Variants in SOX6 observed in about 807,000 individuals in gnomAD.
SOX6 encodes the protein transcription factor SOX-6.
SOX6 carries 11 observed loss-of-function variants against 97.8 expected under a neutral mutation model. The observed-to-expected ratio is 0.11, with a 90% CI of 0.07 to 0.19. SOX6 has a LOEUF of 0.19. Ranked by LOEUF, SOX6 falls within the 10% of genes least tolerant of loss-of-function variation. SOX6 has a pLI of 1.00. For synonymous variants in SOX6, 360 were observed against 371.4 expected (o/e 0.97, Z 0.35); for missense variants, 810 against 1,039.5 (o/e 0.78, Z 3.04).
chr11:16,481,296 C>T (rs1223291764), upstream of SOX6, among the ~76,000 whole-genome samples: 1 of 152,098 alleles, frequency 6.6e-6, no homozygotes, highest in East Asian at 1.9e-4. Context: ...GTAGGACTGA[C>T]ATTAAGCTAA....
chr11:16,149,465 A>C (rs1279153624), intron 6 of SOX6, among the ~76,000 whole-genome samples: 3 of 151,470 alleles, frequency 2.0e-5, no homozygotes, highest in Admixed American at 6.6e-5. Context: ...TATGTGCTTC[A>C]TTATAAAGTA....
chr11:16,465,590 G>T (rs973163174), intron 1 of SOX6: 1 of 152,126 alleles, frequency 6.6e-6, no homozygotes, highest in Non-Finnish European at 1.5e-5. Context: ...TCTATATTCT[G>T]CCCAACACAG....
intron 4 of SOX6, among the ~76,000 whole-genome samples, chr11:16,515,284 T>C (rs1374305021): frequency 3.3e-5 from 5 of 152,144 alleles, no homozygotes; most frequent in African/African-American, 1.2e-4. Context: ...GATTTGCATT[T>C]CTCTGATGGC....
intron 15 of SOX6, among the ~76,000 whole-genome samples, chr11:15,982,553 G>T (rs1853691759): frequency 6.6e-6 from 1 of 151,900 alleles, no homozygotes; most frequent in Non-Finnish European, 1.5e-5. Context: ...TATAGTATTT[G>T]CATATAACCT....
chr11:15,983,573 T>C (rs1003114317), intron 15 of SOX6, among the ~76,000 whole-genome samples: 2 of 152,096 alleles, frequency 1.3e-5, no homozygotes, highest in Admixed American at 1.3e-4. Context: ...TAACCTCATA[T>C]GTAATAAAGA....
chr11:16,212,424 A>G (rs2134144036), intron 4 of SOX6, among the ~76,000 whole-genome samples: 1 of 152,222 alleles, frequency 6.6e-6, no homozygotes, highest in East Asian at 1.9e-4. Context: ...AAATTTTATC[A>G]TATACTAGAT....
intron 6 of SOX6, among the ~76,000 whole-genome samples, chr11:16,132,452 G>GAAAGAAAGAA (rs1849831051): frequency 9.5e-6 from 1 of 104,934 alleles, no homozygotes; most frequent in African/African-American, 3.9e-5. Context: ...AAAAAAGAAA[G>GAAAGAAAGAA]AAAGAAAGAA....
rs531674206 is a variant in SOX6 at position 16,732,797 on chromosome 11, G to A, written n.353+3542C>T. Among the ~76,000 whole-genome samples, 3 of 152,282 alleles carry A rather than the reference G, an allele frequency of 2.0e-5. No homozygotes were observed. In the South Asian group the frequency reaches 6.2e-4, roughly 32 times the overall value. On this transcript the variant is annotated intron_variant and non_coding_transcript_variant, in intron 2 of 5. Transcript: ENST00000524520. ...AAAGAAACTATCATTGCAGTGAACA[G>A]GCAACCTACAGAATGGGAGAAAAAT...
At chr11:16,595,901 A>C (rs926111741) in intron 4 of SOX6, among the ~76,000 whole-genome samples, 1 of 152,254 alleles carries the variant, frequency 6.6e-6, no homozygotes, top group African/African-American at 2.4e-5. Context: ...ACTACTGTCC[A>C]TCACTATCAT....
At chr11:16,292,677 T>C (rs915841302) in intron 3 of SOX6, among the ~76,000 whole-genome samples, 1 of 152,162 alleles carries the variant, frequency 6.6e-6, no homozygotes, top group African/African-American at 2.4e-5. Context: ...TGAGCATGAT[T>C]ATACCCCGAC....
chr11:15,969,913 G>T lies in SOX6; in HGVS notation c.*2896C>A, dbSNP rs887943277. ...TACTGTTTGATCCAATGAAAAAGAC[G>T]TTTACAATCAGATCATTCCTGAATA... On this transcript the variant is annotated 3_prime_UTR_variant, in exon 16 of 16. Coordinates refer to ENST00000683767, the MANE Select transcript of SOX6 (RefSeq NM_001367873.1). The T allele has an allele frequency of 6.6e-6, 1 of 152,168 alleles. No homozygotes were observed. The highest frequency in any genetic ancestry group is 1.5e-5 in the Non-Finnish European group (1 of 68,026). 9.4% of individuals were successfully genotyped at this position (152,168 alleles called of 1,614,324 possible).
intron 12 of SOX6, among the ~76,000 whole-genome samples, chr11:16,037,854 C>A (rs1242209287): frequency 6.6e-6 from 1 of 152,148 alleles, no homozygotes; most frequent in Non-Finnish European, 1.5e-5. Context: ...CAATTATCTA[C>A]AAGGATAAAA....
At chr11:16,736,120 A>C (rs1848389538) in intron 2 of SOX6, among the ~76,000 whole-genome samples, 2 of 152,178 alleles carry the variant, frequency 1.3e-5, no homozygotes, top group Admixed American at 1.3e-4. Context: ...ATATAATTTC[A>C]TCCTTCCTAT....
intron 6 of SOX6, among the ~76,000 whole-genome samples, chr11:16,143,546 C>G (rs998110405): frequency 1.2e-4 from 18 of 152,108 alleles, no homozygotes; most frequent in African/African-American, 4.3e-4. Flanking sequence ...AATTAAAAGA[C>G]ACAGATTGGC....
At chr11:16,336,362 G>A (rs545894190) in intron 2 of SOX6, among the ~76,000 whole-genome samples, 2 of 152,144 alleles carry the variant, frequency 1.3e-5, no homozygotes, top group South Asian at 2.1e-4. Context: ...TCTCACCAAC[G>A]TCATTTCTTG....
chr11:16,449,462 T>G (rs1235192778), intron 1 of SOX6, among the ~76,000 whole-genome samples: 1 of 151,908 alleles, frequency 6.6e-6, no homozygotes, highest in Non-Finnish European at 1.5e-5. Context: ...CCGGCTAATT[T>G]TTTGTATTTT....
At chr11:16,022,339 C>CTTCG (rs1564911626) in intron 12 of SOX6, among the ~76,000 whole-genome samples, 1 of 140,858 alleles carries the variant, frequency 7.1e-6, no homozygotes, top group Non-Finnish European at 1.5e-5. Flanking sequence ...TCTTTCCTTC[C>CTTCG]TTCCTTCCTT....
At chr11:16,427,154 C>A (rs538074537) in intron 1 of SOX6, among the ~76,000 whole-genome samples, 4 of 151,854 alleles carry the variant, frequency 2.6e-5, no homozygotes, top group African/African-American at 9.7e-5. Context: ...AGCTTCTGCA[C>A]AGTAAAAGAA....
At chr11:16,233,335 T>G (rs2134174004) in intron 4 of SOX6, among the ~76,000 whole-genome samples, 1 of 152,302 alleles carries the variant, frequency 6.6e-6, no homozygotes, top group East Asian at 1.9e-4. Context: ...ACAGCACTTC[T>G]TCTCCATAAA....
Sources: gnomAD v4.1 joint callset for allele counts (sites outside exome capture counted in the v4.1 genomes callset) on GRCh38, gnomAD v4.1.1 for gene constraint, MANE v1.5 for transcripts, NCBI Gene and HGNC (gene_info 2026-07-23, HGNC 2026-07-21) for gene names.